The following CIB4 variants were observed in gnomAD, a reference collection of about 807,000 sequenced individuals.
CIB4 encodes calcium and integrin-binding family member 4.
In CIB4, 25 loss-of-function variants were observed where a neutral mutation model predicts 25.8. That is an observed-to-expected ratio of 0.97 (90% CI 0.71 to 1.35). The LOEUF (loss-of-function observed/expected upper bound fraction) is 1.35. Among genes scored for constraint, CIB4 ranks in the 40% most tolerant of loss-of-function variants. The probability of loss-of-function intolerance (pLI) is 0.00; values close to 1 mark genes in which losing one functional copy is unlikely to be tolerated. For missense variants in CIB4, 235 were observed against 228.2 expected, an observed-to-expected ratio of 1.03 and a Z score of -0.19; for synonymous variants, 75 against 81.4, an observed-to-expected ratio of 0.92 and a Z score of 0.42.
intron 3 of CIB4, among the ~76,000 whole-genome samples, chr2:26,609,866 A>G (rs1668964344): frequency 1.3e-5 from 2 of 152,186 alleles, no homozygotes; most frequent in African/African-American, 4.8e-5. Flanking sequence ...CCAATATGAA[A>G]ACCCTTTAAA....
chr2:26,598,846 C>G (rs1558559968), intron 3 of CIB4, among the ~76,000 whole-genome samples: 1 of 152,118 alleles, frequency 6.6e-6, no homozygotes, highest in Non-Finnish European at 1.5e-5. Context: ...GGTGGGGCAG[C>G]CTCATGCCCC....
intron 3 of CIB4, among the ~76,000 whole-genome samples, chr2:26,601,586 G>T (rs529411920): frequency 6.6e-6 from 1 of 151,472 alleles, no homozygotes; most frequent in East Asian, 1.9e-4. Flanking sequence ...TATCACAGGA[G>T]GATATCTTCA....
At chr2:26,591,280 G>A (rs1351816618) in intron 4 of CIB4, among the ~76,000 whole-genome samples, 1 of 152,254 alleles carries the variant, frequency 6.6e-6, no homozygotes, top group Non-Finnish European at 1.5e-5. Context: ...CTGGCTGGGT[G>A]AGAAAACAGA....
At chr2:26,598,504 G>C (rs1668722438) in intron 3 of CIB4, among the ~76,000 whole-genome samples, 2 of 152,134 alleles carry the variant, frequency 1.3e-5, no homozygotes, top group Non-Finnish European at 2.9e-5. Flanking sequence ...AACTGGGCTT[G>C]GGAAACAGTG....
intron 4 of CIB4, among the ~76,000 whole-genome samples, chr2:26,589,355 C>A (rs1668543879): frequency 6.6e-6 from 1 of 151,790 alleles, no homozygotes; most frequent in Non-Finnish European, 1.5e-5. Flanking sequence ...GAGTCTCACT[C>A]TTCTTCCCCA....
At position 26,581,497 on chromosome 2, in the gene CIB4, T is replaced by A. The variant is rs7608317; in HGVS notation, c.528-104A>T. 99 of 1,128,712 alleles carry A rather than the reference T, an allele frequency of 8.8e-5. No homozygotes were observed. In the African/African-American group the frequency reaches 1.4e-3, roughly 16 times the overall value. 69.9% of individuals were successfully genotyped at this position (1,128,712 alleles called of 1,614,324 possible). ...GGAGGCTCCCTCCCCGGCCTGCATC[T>A]CGTGTCCCTTTCTCTGGGTGACGGC... On this transcript the variant is annotated intron_variant, in intron 6 of 6. Coordinates refer to ENST00000288861, the MANE Select transcript of CIB4 (RefSeq NM_001029881.3).
intron 4 of CIB4, among the ~76,000 whole-genome samples, chr2:26,585,808 C>A (rs1668440292): frequency 6.6e-6 from 1 of 152,178 alleles, no homozygotes; most frequent in Non-Finnish European, 1.5e-5. Flanking sequence ...TGCCTTCCTG[C>A]TCCTACCCAA....
intron 3 of CIB4, among the ~76,000 whole-genome samples, chr2:26,617,050 A>G (rs1669106620): frequency 6.6e-6 from 1 of 151,880 alleles, no homozygotes; most frequent in Admixed American, 6.6e-5. Flanking sequence ...TGCTCTACCC[A>G]TTTTACAGGT....
chr2:26,620,416 C>T (rs76381324), intron 3 of CIB4, among the ~76,000 whole-genome samples: 1,777 of 152,330 alleles, frequency 0.012, 31 homozygotes, highest in African/African-American at 0.04. Context: ...GGGTGACTGC[C>T]CATCCCCAGC....
intron 2 of CIB4, among the ~76,000 whole-genome samples, chr2:26,634,450 A>G (rs1669492533): frequency 6.6e-6 from 1 of 152,246 alleles, no homozygotes; most frequent in African/African-American, 2.4e-5. Flanking sequence ...ATACCATGAT[A>G]GTAACAGCAG....
chr2:26,585,224 C>A (rs752172365), intron 4 of CIB4, among the ~76,000 whole-genome samples: 1 of 151,232 alleles, frequency 6.6e-6, no homozygotes, highest in South Asian at 2.1e-4. Flanking sequence ...GGGCAGAGAC[C>A]GAGGCACCCT....
At chr2:26,614,773 G>A (rs1669059960) in intron 3 of CIB4, among the ~76,000 whole-genome samples, 1 of 152,194 alleles carries the variant, frequency 6.6e-6, no homozygotes, top group Non-Finnish European at 1.5e-5. Context: ...ATCCTTACAT[G>A]ACCCTGCAAA....
At chr2:26,630,728 C>G (rs1210863830) in intron 2 of CIB4, among the ~76,000 whole-genome samples, 1 of 152,092 alleles carries the variant, frequency 6.6e-6, no homozygotes, top group African/African-American at 2.4e-5. Context: ...AAATCTCCCC[C>G]CACACACTCG....
intron 4 of CIB4, among the ~76,000 whole-genome samples, chr2:26,592,975 G>A (rs990263621): frequency 6.6e-6 from 1 of 152,152 alleles, no homozygotes; most frequent in Non-Finnish European, 1.5e-5. Flanking sequence ...CTCTGTCAGG[G>A]TGTTTCCGGA....
chr2:26,590,467 G>C (rs1384111863), intron 4 of CIB4, among the ~76,000 whole-genome samples: 1 of 152,110 alleles, frequency 6.6e-6, no homozygotes, highest in Non-Finnish European at 1.5e-5. Flanking sequence ...TGCTCTGTGG[G>C]CCACACCGGG....
chr2:26,585,504 T>C (rs1164637084), intron 4 of CIB4, among the ~76,000 whole-genome samples: 1 of 152,078 alleles, frequency 6.6e-6, no homozygotes, highest in African/African-American at 2.4e-5. Flanking sequence ...AGCCCCTCAC[T>C]GGATGGGCCG....
intron 3 of CIB4, among the ~76,000 whole-genome samples, chr2:26,621,968 A>G (rs1352610276): frequency 6.6e-6 from 1 of 152,236 alleles, no homozygotes; most frequent in African/African-American, 2.4e-5. Flanking sequence ...AAAAACAATG[A>G]TGACATCCAG....
At chr2:26,618,041 C>G (rs891778627) in intron 3 of CIB4, among the ~76,000 whole-genome samples, 11 of 152,190 alleles carry the variant, frequency 7.2e-5, no homozygotes, top group African/African-American at 2.7e-4. Flanking sequence ...TCTATGAAGG[C>G]TGGCTCACCC....
intron 2 of CIB4, among the ~76,000 whole-genome samples, chr2:26,629,982 C>T (rs1025586330): frequency 2.6e-5 from 4 of 152,148 alleles, no homozygotes; most frequent in Non-Finnish European, 5.9e-5. Context: ...CTGAGTGAGC[C>T]GGGATTAGAG....
Sources: gnomAD v4.1 joint callset for allele counts (sites outside exome capture counted in the v4.1 genomes callset) on GRCh38, gnomAD v4.1.1 for gene constraint, MANE v1.5 for transcripts, NCBI Gene and HGNC (gene_info 2026-07-23, HGNC 2026-07-21) for gene names.